The following OSTM1 variants were observed in gnomAD, a reference collection of about 807,000 sequenced individuals.
OSTM1 encodes the protein osteoclastogenesis associated transmembrane protein 1.
Under a neutral mutation model 35.4 loss-of-function variants are expected in OSTM1, and 26 were observed. The ratio of observed to expected loss-of-function variants is 0.73; its 90% CI spans 0.54 to 1.02. The LOEUF (loss-of-function observed/expected upper bound fraction) is 1.02. Among genes scored for constraint, OSTM1 ranks in the 50% least tolerant of loss-of-function variants. The probability of loss-of-function intolerance (pLI) is 0.00; values close to 1 mark genes in which losing one functional copy is unlikely to be tolerated. For missense variants in OSTM1, 366 were observed against 409.6 expected (o/e 0.89, Z 0.92); for synonymous variants, 181 against 165.0 (o/e 1.10, Z -0.75).
At chr6:108,049,216 CT>C in intron 5 of OSTM1, 36 bp downstream of exon 5, 1 of 1,450,792 alleles carries the variant, frequency 6.9e-7, no homozygotes, top group Non-Finnish European at 9.5e-7. Flanking sequence ...AAAATACAGG[CT>C]TTTATCTATA....
In OSTM1 at chr6:108,074,709, C is replaced by G. The variant is rs931389902; in HGVS notation, c.-58G>C. On this transcript the variant is annotated 5_prime_UTR_variant, in exon 1 of 6. Transcript: ENST00000193322. ...CCGCCTCTCCGCCCCCAGCCGGCAC[C>G]GCGGACAGCCGCCGCTTCCGGTTTC... is the stretch of plus-strand genomic sequence containing the variant. 3 of 1,437,974 alleles carry G rather than the reference C, an allele frequency of 2.1e-6. No individual in the cohort carries two copies. The highest frequency in any genetic ancestry group is 3.0e-5 in the African/African-American group (2 of 66,688). 89.1% of individuals were successfully genotyped at this position (1,437,974 alleles called of 1,614,324 possible).
At chr6:108,058,587 G>A (rs1772209066) in intron 2 of OSTM1, among the ~76,000 whole-genome samples, 1 of 152,160 alleles carries the variant, frequency 6.6e-6, no homozygotes, top group African/African-American at 2.4e-5. Context: ...AGGAGATCGA[G>A]ACCACGGTGA....
At position 108,063,536 on chromosome 6, in the gene OSTM1, C is replaced by T. The variant is rs1389128620; in HGVS notation, c.517+649G>A. Among the ~76,000 whole-genome samples, 7 of 152,248 alleles carry T rather than the reference C, an allele frequency of 4.6e-5. No homozygotes were observed. The East Asian group carries it at 1.3e-3, about 29-fold the overall frequency. On this transcript the variant is annotated intron_variant, in intron 2 of 5. Coordinates refer to ENST00000193322, the MANE Select transcript of OSTM1 (RefSeq NM_014028.4). ...ATAAGACTTGAAAAATAAGAACTGC[C>T]TAGCACATAGTTGGTATTCAAAACA...
rs1562378494 is a variant in OSTM1 at position 108,074,607 on chromosome 6, C to T, written c.45G>A (p.Pro15=). 6.4e-7 allele frequency: 1 copy of T among 1,565,408 alleles called. No homozygotes were observed. The highest frequency in any genetic ancestry group is 8.6e-7 in the Non-Finnish European group (1 of 1,161,260). ...GCAGCAGCCCCAGCGGCAGCCACGG[C>T]GGCAACGAACACCTCCGCTGCGCGG... The part of the protein sequence containing the change: ...PTAAQRRCSL[P]PWLPLGLLLW... The change falls in exon 1 of 6, where the codon CCG becomes CCA. Residue 15 remains proline, a synonymous_variant. Transcript: ENST00000193322.
chr6:108,049,290 A>G lies in OSTM1; in HGVS notation c.912T>C (p.Phe304=). ...FLPVVFYLSS[F]LHSEQKKRKL... ...TGCGTTTCTTTTGCTCTGAGTGAAG[A>G]AAGCTACTAAGGTAGAAGACAACAG... Residue 304 remains phenylalanine (F), a synonymous_variant, in exon 5 of 6, where the codon TTT becomes TTC. Coordinates refer to ENST00000193322, the MANE Select transcript of OSTM1 (RefSeq NM_014028.4). 1 of 1,613,250 alleles carries G rather than the reference A, an allele frequency of 6.2e-7. No individual in the cohort carries two copies. The highest frequency in any genetic ancestry group is 8.5e-7 in the Non-Finnish European group (1 of 1,179,282).
chr6:108,074,101 C>G, intron 1 of OSTM1, 149 bp downstream of exon 1: 1 of 765,742 alleles, frequency 1.3e-6, no homozygotes, highest in Non-Finnish European at 2.1e-6. Context: ...ATGCCACCCC[C>G]TTTTTCTGAT....
chr6:108,044,688 C>CT lies in OSTM1; in HGVS notation c.*96dup. 6.9e-6 allele frequency: 5 copies of CT among 729,334 alleles called. No individual in the cohort carries two copies. The highest frequency in any genetic ancestry group is 1.2e-5 in the Non-Finnish European group (5 of 406,990). The allele number at this position is 729,334 out of a possible 1,614,324, so 45.2% of individuals were successfully genotyped here. On this transcript the variant is annotated 3_prime_UTR_variant, in exon 6 of 6. Coordinates refer to ENST00000193322, the MANE Select transcript of OSTM1 (RefSeq NM_014028.4). ...CTGAAGTCCTTGTATTTCTTAAGAGCTTGACTTGTCAAATCACAGTTTATC... is the reference window on the plus strand; with the variant it reads ...CTGAAGTCCTTGTATTTCTTAAGAGCTTTGACTTGTCAAATCACAGTTTATC...
chr6:108,065,049 G>T (rs1772352376), intron 1 of OSTM1, among the ~76,000 whole-genome samples: 1 of 151,964 alleles, frequency 6.6e-6, no homozygotes, highest in Non-Finnish European at 1.5e-5. Flanking sequence ...AGTAGAGACG[G>T]GGTTTCACTA....
chr6:108,053,440 AC>A (rs1421441722), intron 3 of OSTM1, among the ~76,000 whole-genome samples: 1 of 152,252 alleles, frequency 6.6e-6, no homozygotes, highest in African/African-American at 2.4e-5. Flanking sequence ...TTAATGGAAT[AC>A]TAAACCCTTT....
intron 2 of OSTM1, among the ~76,000 whole-genome samples, chr6:108,060,529 GCAACATGA>G (rs1772254532): frequency 6.6e-6 from 1 of 152,102 alleles, no homozygotes; most frequent in Non-Finnish European, 1.5e-5. Flanking sequence ...ACCAGCCTGG[GCAACATGA>G]CAAAACAGCA....
chr6:108,048,774 G>A (rs1273548951), intron 5 of OSTM1, among the ~76,000 whole-genome samples: 2 of 94,668 alleles, frequency 2.1e-5, no homozygotes, highest in East Asian at 6.2e-4. Flanking sequence ...TTTTTTTTGA[G>A]ACAGTCTCAC....
At chr6:108,058,235 T>A (rs1266818209) in intron 2 of OSTM1, among the ~76,000 whole-genome samples, 1 of 152,080 alleles carries the variant, frequency 6.6e-6, no homozygotes, top group African/African-American at 2.4e-5. Context: ...GAATTATGCA[T>A]CTTTAAATAA....
chr6:108,052,234 A>T (rs1772087203), intron 3 of OSTM1, among the ~76,000 whole-genome samples: 1 of 152,144 alleles, frequency 6.6e-6, no homozygotes, highest in African/African-American at 2.4e-5. Context: ...GGAGATCGAG[A>T]CCATCCTGGC....
At chr6:108,053,650 G>C (rs1402287185) in intron 3 of OSTM1, among the ~76,000 whole-genome samples, 1 of 152,130 alleles carries the variant, frequency 6.6e-6, no homozygotes, top group Non-Finnish European at 1.5e-5. Flanking sequence ...ATTTTTAGTA[G>C]AGACAGGGTT....
chr6:108,047,720 G>A (rs1239881908), intron 5 of OSTM1, among the ~76,000 whole-genome samples: 2 of 152,016 alleles, frequency 1.3e-5, no homozygotes, highest in African/African-American at 4.8e-5. Flanking sequence ...GGGGATGAGA[G>A]GGGAATGTGG....
intron 1 of OSTM1, among the ~76,000 whole-genome samples, chr6:108,072,316 T>G (rs1772499051): frequency 6.6e-6 from 1 of 152,160 alleles, no homozygotes; most frequent in South Asian, 2.1e-4. Flanking sequence ...ATACCGCATG[T>G]AAGCCTGAAT....
rs961770479 is a variant in OSTM1, at chr6:108,042,283, A to T, written c.*2502T>A. 6.7e-5 allele frequency: 10 copies of T among 150,338 alleles called. No homozygotes were observed. The highest frequency in any genetic ancestry group is 1.3e-4 in the Non-Finnish European group (9 of 67,560). The allele number at this position is 150,338 out of a possible 1,614,324, so 9.3% of individuals were successfully genotyped here. ...ACTGTCTCTACAAAAAAAAAAAAAA[A>T]AAAAATTAATTATAAAAAAAAAAGA... is the stretch of plus-strand genomic sequence containing the variant. On this transcript the variant is annotated 3_prime_UTR_variant, in exon 6 of 6. Transcript: ENST00000193322.
At chr6:108,064,717 A>T (rs1271505273) in intron 1 of OSTM1, among the ~76,000 whole-genome samples, 1 of 152,162 alleles carries the variant, frequency 6.6e-6, no homozygotes, top group Non-Finnish European at 1.5e-5. Context: ...AACTCCTACT[A>T]TTTACTAGGC....
In OSTM1 at chr6:108,074,146, TCTTA is replaced by T. The variant is rs771460478; in HGVS notation, c.402+100_402+103del. The T allele has an allele frequency of 3.2e-4, 373 of 1,156,628 alleles. 1 individual carries two copies. The highest frequency in any genetic ancestry group is 1.5e-3 in the Middle Eastern group (8 of 5,174). 71.6% of individuals were successfully genotyped at this position (1,156,628 alleles called of 1,614,324 possible). On this transcript the variant is annotated intron_variant, in intron 1 of 5. Coordinates refer to ENST00000193322, the MANE Select transcript of OSTM1 (RefSeq NM_014028.4). ...CTACAGACTCAGTCCAACCCCTTTT[TCTTA>T]CTGTTGGGGAAACTGAGGCCCCCAG...
Sources: gnomAD v4.1 joint callset for allele counts (sites outside exome capture counted in the v4.1 genomes callset) on GRCh38, gnomAD v4.1.1 for gene constraint, MANE v1.5 for transcripts, NCBI Gene and HGNC (gene_info 2026-07-23, HGNC 2026-07-21) for gene names.